The following GPR174 variants were observed in gnomAD, a reference collection of about 807,000 sequenced individuals.
The protein encoded by GPR174 is G protein-coupled receptor 174.
Under a neutral mutation model 16.5 loss-of-function variants are expected in GPR174, and 8 were observed. The observed-to-expected ratio is 0.48, with a 90% CI of 0.28 to 0.87. The LOEUF (loss-of-function observed/expected upper bound fraction) is 0.87, where lower values mean the gene tolerates loss of function less well. Ranked by LOEUF, GPR174 falls within the 40% of genes least tolerant of loss-of-function variation. GPR174 has a pLI of 0.09. For missense variants in GPR174, 214 were observed against 247.5 expected, an observed-to-expected ratio of 0.86 and a Z score of 0.91; for synonymous variants, 111 against 94.8, an observed-to-expected ratio of 1.17 and a Z score of -0.99.
At chrX:79,146,277 A>G (rs1223235503) in intron 1 of GPR174, among the ~76,000 whole-genome samples, 1 of 112,292 alleles carries the variant, frequency 8.9e-6, no homozygotes, top group Non-Finnish European at 1.9e-5. Flanking sequence ...TCTCCTGTCA[A>G]CAGTAATGTA....
At chrX:79,146,039 T>C (rs185547262) in intron 1 of GPR174, among the ~76,000 whole-genome samples, 2 of 111,855 alleles carry the variant, frequency 1.8e-5, no homozygotes, top group South Asian at 3.7e-4. Context: ...TATTTCCTTG[T>C]TTGCGTGTTG....
intron 2 of GPR174, among the ~76,000 whole-genome samples, chrX:79,161,488 A>G (rs1228593268): frequency 3.6e-5 from 4 of 111,957 alleles, no homozygotes; most frequent in Non-Finnish European, 7.5e-5. Context: ...TTAGATTTTC[A>G]CACCATACAT....
Position 79,145,030 on chromosome X carries a change from CTTTCTTTCT to C in GPR174, c.-838_-830del, listed in dbSNP as rs1926469721. On this transcript the variant is annotated 5_prime_UTR_variant, in exon 1 of 3. Coordinates refer to ENST00000645147, the MANE Select transcript of GPR174 (RefSeq NM_032553.3). ...TCTTTCTTTCTTTCTTTCTTTCTTT[CTTTCTTTCT>C]TTCTTTCTTTCTTTCTTTCTTTCTT... The C allele has an allele frequency of 3.9e-5, 3 of 77,408 alleles. No individual in the cohort carries two copies. Among genetic ancestry groups the C allele is most frequent in the Non-Finnish European group, 5.0e-5 (2 of 39,755 alleles). 6.4% of individuals were successfully genotyped at this position (77,408 alleles called of 1,213,427 possible).
At chrX:79,145,416 G>A (rs1186732070) in intron 1 of GPR174, among the ~76,000 whole-genome samples, 199 bp downstream of exon 1, 1 of 111,183 alleles carries the variant, frequency 9.0e-6, no homozygotes, top group Non-Finnish European at 1.9e-5. Flanking sequence ...ACGGGCTGCC[G>A]GAGGAGGGAG....
Position 79,171,155 on chromosome X carries a change from G to A in GPR174, c.148G>A (p.Glu50Lys), listed in dbSNP as rs1214994236. 1.0e-5 allele frequency: 12 copies of A among 1,204,417 alleles called. No homozygotes were observed. Among genetic ancestry groups the A allele is most frequent in the Non-Finnish European group, 1.3e-5 (12 of 891,792 alleles). Residue 50 changes from glutamate to lysine, a missense_variant, in exon 3 of 3, where the codon GAA becomes AAA. Glu to Lys is a moderately conservative substitution (Grantham distance 56, BLOSUM62 1). Coordinates refer to ENST00000645147, the MANE Select transcript of GPR174 (RefSeq NM_032553.3). ...GTGGGTATTCTATGGTTATATGAAAGAAACAAAACGAGCTGTGATATTTAT... is the reference window on the plus strand; with the variant it reads ...GTGGGTATTCTATGGTTATATGAAAAAAACAAAACGAGCTGTGATATTTAT... Reference protein sequence around the residue: ...ALWVFYGYMKETKRAVIFMIN... With the variant: ...ALWVFYGYMKKTKRAVIFMIN...
chrX:79,155,916 C>G (rs188839384), intron 1 of GPR174, among the ~76,000 whole-genome samples: 1 of 111,755 alleles, frequency 8.9e-6, no homozygotes, highest in Middle Eastern at 4.6e-3. Flanking sequence ...TTTGCTAACC[C>G]TTATGATCTG....
chrX:79,172,186 G>T lies in GPR174; in HGVS notation c.*177G>T. On this transcript the variant is annotated 3_prime_UTR_variant, in exon 3 of 3. Transcript: ENST00000645147. ...ACCTATTTGGAGCATTACGATCCACGATTATTGATGTTGACATGTCCATGT... is the reference window on the plus strand; with the variant it reads ...ACCTATTTGGAGCATTACGATCCACTATTATTGATGTTGACATGTCCATGT... The T allele has an allele frequency of 4.6e-6, 2 of 436,390 alleles. No homozygotes were observed. The highest frequency in any genetic ancestry group is 3.9e-6 in the Non-Finnish European group (1 of 259,385). 36.0% of individuals were successfully genotyped at this position (436,390 alleles called of 1,213,427 possible).
chrX:79,149,158 C>T (rs749109622), intron 1 of GPR174, among the ~76,000 whole-genome samples: 43 of 111,104 alleles, frequency 3.9e-4, no homozygotes, highest in Admixed American at 6.7e-4. Context: ...AGTTTCATGG[C>T]CCCTATTAAT....
chrX:79,162,018 A>G (rs1237231433), intron 2 of GPR174, among the ~76,000 whole-genome samples: 1 of 112,053 alleles, frequency 8.9e-6, no homozygotes, highest in African/African-American at 3.2e-5. Context: ...AGATTTTTAA[A>G]TGAGGCAATG....
At chrX:79,160,521 A>T (rs760564692) in intron 2 of GPR174, among the ~76,000 whole-genome samples, 1 of 111,655 alleles carries the variant, frequency 9.0e-6, no homozygotes, top group Non-Finnish European at 1.9e-5. Flanking sequence ...GAAAGTACTA[A>T]GTGTGTGTGG....
chrX:79,159,137 C>T (rs1337653937), intron 2 of GPR174, among the ~76,000 whole-genome samples: 1 of 111,530 alleles, frequency 9.0e-6, no homozygotes, highest in Non-Finnish European at 1.9e-5. Context: ...GCTGGTTCAT[C>T]TTTGCAATCC....
chrX:79,154,017 A>C (rs1015322523), intron 1 of GPR174, among the ~76,000 whole-genome samples: 2 of 111,979 alleles, frequency 1.8e-5, no homozygotes, highest in Admixed American at 1.9e-4. Context: ...CAGTTCTTCC[A>C]GAAAATGAGA....
chrX:79,171,975 A>G lies in GPR174; in HGVS notation c.968A>G (p.His323Arg). 8.3e-7 allele frequency: 1 copy of G among 1,199,892 alleles called. No individual in the cohort carries two copies. The highest frequency in any genetic ancestry group is 1.1e-6 in the Non-Finnish European group (1 of 890,222). The change falls in exon 3 of 3, where the codon CAT (histidine) becomes CGT (arginine). Residue 323 changes from histidine to arginine, a missense_variant. By Grantham distance (29) the His-to-Arg change is conservative. Transcript: ENST00000645147. ...QLHAKSFVSN[H>R]TASTMTPELC Reference sequence around the variant, plus strand: ...CATGCAAAATCCTTTGTGAGTAACCATACAGCTTCCACCATGACACCTGAA... The same window carrying G: ...CATGCAAAATCCTTTGTGAGTAACCGTACAGCTTCCACCATGACACCTGAA...
intron 2 of GPR174, among the ~76,000 whole-genome samples, chrX:79,166,888 C>G (rs1412812405): frequency 2.7e-5 from 3 of 111,648 alleles, no homozygotes; most frequent in Non-Finnish European, 5.6e-5. Flanking sequence ...TCTTTGCTGG[C>G]AAGCTGCTCA....
chrX:79,167,547 G>C (rs900313879), intron 2 of GPR174, among the ~76,000 whole-genome samples: 1 of 110,432 alleles, frequency 9.1e-6, no homozygotes, highest in Non-Finnish European at 1.9e-5. Flanking sequence ...TGAATAGCCC[G>C]TGAGGTCCTC....
At chrX:79,158,182 T>G (rs952759933) in intron 2 of GPR174, among the ~76,000 whole-genome samples, 2 of 106,604 alleles carry the variant, frequency 1.9e-5, no homozygotes, top group African/African-American at 6.8e-5. Context: ...TTTCTTTTTT[T>G]TTTTGTTATA....
At chrX:79,169,153 T>C (rs1193933900) in intron 2 of GPR174, among the ~76,000 whole-genome samples, 1 of 111,555 alleles carries the variant, frequency 9.0e-6, no homozygotes. Context: ...TCTACTTTTT[T>C]CCTCGTACCA....
Position 79,170,014 on chromosome X carries a change from G to A in GPR174, c.-556-438G>A, listed in dbSNP as rs191354804. 3.3e-3 allele frequency among the ~76,000 whole-genome samples: 374 copies of A among 112,069 alleles called. 1 individual carries two copies. Among genetic ancestry groups the A allele is most frequent in the African/African-American group, 0.012 (366 of 30,856 alleles). ...CATGAATACTCAATCAGAATCTCTGGAGGAAACACCCAGAAGCTTGTATTT... is the reference window on the plus strand; with the variant it reads ...CATGAATACTCAATCAGAATCTCTGAAGGAAACACCCAGAAGCTTGTATTT... On this transcript the variant is annotated intron_variant, in intron 2 of 2. Coordinates refer to ENST00000645147, the MANE Select transcript of GPR174 (RefSeq NM_032553.3).
chrX:79,151,930 A>G (rs954762751), intron 1 of GPR174, among the ~76,000 whole-genome samples: 3 of 111,710 alleles, frequency 2.7e-5, no homozygotes, highest in Non-Finnish European at 5.7e-5. Context: ...CAGAATCACC[A>G]TGCATCTATA....
Sources: allele counts gnomAD v4.1 joint callset (sites outside exome capture counted in the v4.1 genomes callset), GRCh38; gene constraint gnomAD v4.1.1; transcripts MANE v1.5; gene names NCBI Gene and HGNC (gene_info 2026-07-23, HGNC 2026-07-21).